The following CACNA1H variants were observed in gnomAD, a reference collection of about 807,000 sequenced individuals.
The protein encoded by CACNA1H is voltage-dependent T-type calcium channel subunit alpha-1H.
Under a neutral mutation model 192.5 loss-of-function variants are expected in CACNA1H, and 149 were observed. The ratio of observed to expected loss-of-function variants is 0.77; its 90% CI spans 0.68 to 0.89. The LOEUF (loss-of-function observed/expected upper bound fraction) is 0.89. CACNA1H is among the 40% of genes least tolerant of loss of function. The pLI is 0.00. For missense variants in CACNA1H, 4,257 were observed against 3,423.5 expected (o/e 1.24, Z -6.08); for synonymous variants, 2,202 against 1,475.2 (o/e 1.49, Z -11.29).
At chr16:1,213,025 C>A (rs1194976797) in intron 26 of CACNA1H, among the ~76,000 whole-genome samples, 1 of 152,224 alleles carries the variant, frequency 6.6e-6, no homozygotes, top group East Asian at 1.9e-4. Context: ...CAGCTCACGC[C>A]TTCACCCGCG....
chr16:1,160,741 G>A (rs1334631359), intron 2 of CACNA1H, among the ~76,000 whole-genome samples: 5 of 152,242 alleles, frequency 3.3e-5, no homozygotes, highest in African/African-American at 9.6e-5. Flanking sequence ...TGTGCTCCAC[G>A]AGGCCTCCTT....
At chr16:1,189,632 G>A (rs1229841268) in intron 2 of CACNA1H, among the ~76,000 whole-genome samples, 1 of 151,896 alleles carries the variant, frequency 6.6e-6, no homozygotes, top group African/African-American at 2.4e-5. Context: ...GTGTTGCCCA[G>A]GCTGGTCTCA....
At chr16:1,186,172 C>T (rs1416026695) in intron 2 of CACNA1H, among the ~76,000 whole-genome samples, 1 of 151,758 alleles carries the variant, frequency 6.6e-6, no homozygotes. Context: ...GCGTAGGGGC[C>T]GGAGGCGGGG....
At position 1,218,337 on chromosome 16, in the gene CACNA1H, T is replaced by C. The variant is rs762026113; in HGVS notation, c.5573T>C (p.Val1858Ala). 8.3e-6 allele frequency: 13 copies of C among 1,560,864 alleles called. No individual in the cohort carries two copies. The highest frequency in any genetic ancestry group is 3.9e-5 in the Admixed American group (2 of 51,900). Residue 1858 changes from valine to alanine, a missense_variant, in exon 33 of 35, where the codon GTG becomes GCG. By Grantham distance (64) the Val-to-Ala change is moderately conservative. Transcript: ENST00000348261. ...GTGCTGGTGAACGTGGTGGTGGCCG[T>C]GCTCATGAAGCACCTGGAGGAGAGC... ...QFVLVNVVVA[V>A]LMKHLEESNK... is the part of the protein sequence containing the mutation.
rs904156573 is a variant in CACNA1H, at chr16:1,153,608, T to C, written c.-18-112T>C. On this transcript the variant is annotated intron_variant, in intron 1 of 34. Transcript: ENST00000348261. ...GGGCGGGGGGCGCGTTTGTCTCTAATAAGAAAAGACAAAGACATCCCGGCG... is the reference window on the plus strand; with the variant it reads ...GGGCGGGGGGCGCGTTTGTCTCTAACAAGAAAAGACAAAGACATCCCGGCG... 3 of 590,772 alleles carry C rather than the reference T, an allele frequency of 5.1e-6. No homozygotes were observed. The African/African-American group carries it at 6.0e-5, about 12-fold the overall frequency. 36.6% of individuals were successfully genotyped at this position (590,772 alleles called of 1,614,324 possible). A position where few individuals can be genotyped will look rare whatever the true frequency, so the allele number is the denominator to read the frequency against.
intron 2 of CACNA1H, among the ~76,000 whole-genome samples, chr16:1,187,492 G>T (rs1250606476): frequency 2.0e-5 from 3 of 152,262 alleles, no homozygotes; most frequent in Admixed American, 2.0e-4. Flanking sequence ...CCTGGCTCAG[G>T]CCGCTTGTGC....
In CACNA1H at chr16:1,201,948, C is replaced by T. The variant is rs1284409915; in HGVS notation, c.1498C>T (p.Pro500Ser). The T allele has an allele frequency of 1.3e-6, 2 of 1,547,182 alleles. No individual in the cohort carries two copies. Among genetic ancestry groups the T allele is most frequent in the South Asian group, 1.2e-5 (1 of 83,984 alleles). ...VDPSAVQGQG[P>S]GHRQRRAGRH... Reference sequence around the variant, plus strand: ...CCCCAGTGCTGTGCAAGGCCAGGGTCCCGGGCACCGCCAGCGCCGGGCAGG... The same window carrying T: ...CCCCAGTGCTGTGCAAGGCCAGGGTTCCGGGCACCGCCAGCGCCGGGCAGG... Residue 500 changes from proline to serine, a missense_variant, in exon 9 of 35, where the codon CCC becomes TCC. Pro to Ser is a moderately conservative substitution (Grantham distance 74). Coordinates refer to ENST00000348261, the MANE Select transcript of CACNA1H (RefSeq NM_021098.3).
At chr16:1,188,541 TC>T in intron 2 of CACNA1H, among the ~76,000 whole-genome samples, 1 of 151,918 alleles carries the variant, frequency 6.6e-6, no homozygotes, top group East Asian at 1.9e-4. Context: ...TCGCAGACAC[TC>T]CCCCTCACCC....
chr16:1,164,130 C>T (rs565353244), intron 2 of CACNA1H, among the ~76,000 whole-genome samples: 82 of 152,302 alleles, frequency 5.4e-4, no homozygotes, highest in African/African-American at 1.8e-3. Flanking sequence ...GAAGCAAGGG[C>T]CCTGGGCCTG....
chr16:1,168,797 C>T (rs1002634914), intron 2 of CACNA1H, among the ~76,000 whole-genome samples: 1 of 152,100 alleles, frequency 6.6e-6, no homozygotes, highest in Admixed American at 6.5e-5. Flanking sequence ...CCAGGCCTCT[C>T]CTGGAGCCTG....
intron 2 of CACNA1H, among the ~76,000 whole-genome samples, chr16:1,193,798 C>G (rs551108047): frequency 7.7e-4 from 117 of 152,170 alleles, no homozygotes; most frequent in African/African-American, 2.6e-3. Context: ...AGGGAGGGTT[C>G]CAGGATGAGC....
At chr16:1,174,291 C>G (rs961256784) in intron 2 of CACNA1H, among the ~76,000 whole-genome samples, 1 of 152,210 alleles carries the variant, frequency 6.6e-6, no homozygotes, top group Non-Finnish European at 1.5e-5. Context: ...CTGCCTTTCT[C>G]TCATTTCTCC....
Position 1,200,704 on chromosome 16 carries a change from C to CT in CACNA1H, c.1120-11dup. On this transcript the variant is annotated splice_polypyrimidine_tract_variant and intron_variant, in intron 7 of 34. Coordinates refer to ENST00000348261, the MANE Select transcript of CACNA1H (RefSeq NM_021098.3). Reference sequence around the variant, plus strand: ...GGTCGTGCGGGCCCAAGTCAAGCCACTGCCCCCCCAGGTGATCACGCTGGA... The same window carrying CT: ...GGTCGTGCGGGCCCAAGTCAAGCCACTTGCCCCCCCAGGTGATCACGCTGGA... The CT allele has an allele frequency of 6.4e-7, 1 of 1,566,000 alleles. No individual in the cohort carries two copies.
intron 18 of CACNA1H, 89 bp downstream of exon 18, chr16:1,210,224 G>C: frequency 7.8e-7 from 1 of 1,288,908 alleles, no homozygotes; most frequent in Non-Finnish European, 1.1e-6. Flanking sequence ...GCTAGCACAT[G>C]GTGGATATTT....
Position 1,221,544 on chromosome 16 carries a change from G to A in CACNA1H, c.*550G>A, listed in dbSNP as rs2141417231. The A allele has an allele frequency of 6.0e-6, 3 of 502,448 alleles. No individual in the cohort carries two copies. Among genetic ancestry groups the A allele is most frequent in the Non-Finnish European group, 1.1e-5 (3 of 285,060 alleles). The allele number at this position is 502,448 out of a possible 1,614,324, so 31.1% of individuals were successfully genotyped here. A position where few individuals can be genotyped will look rare whatever the true frequency, so the allele number is the denominator to read the frequency against. ...AGCGTCCTGTGACTCTGGGAGAGGT[G>A]ACACCTCACTAAGGGGCCGACCCCA... On this transcript the variant is annotated 3_prime_UTR_variant, in exon 35 of 35. Coordinates refer to ENST00000348261, the MANE Select transcript of CACNA1H (RefSeq NM_021098.3).
At chr16:1,173,424 C>T (rs931709415) in intron 2 of CACNA1H, among the ~76,000 whole-genome samples, 3 of 152,226 alleles carry the variant, frequency 2.0e-5, no homozygotes, top group Non-Finnish European at 2.9e-5. Context: ...CTGGTGCGGA[C>T]GGACGAAGCC....
intron 30 of CACNA1H, among the ~76,000 whole-genome samples, chr16:1,216,147 C>T (rs1295827211): frequency 1.3e-5 from 2 of 152,176 alleles, no homozygotes; most frequent in Non-Finnish European, 2.9e-5. Flanking sequence ...CACCCCCAAC[C>T]CCCACGGCTG....
At chr16:1,158,848 G>GC (rs1328297602) in intron 2 of CACNA1H, among the ~76,000 whole-genome samples, 1 of 151,604 alleles carries the variant, frequency 6.6e-6, no homozygotes, top group African/African-American at 2.4e-5. Flanking sequence ...GCCCCACAGG[G>GC]CCCCGCTCAG....
chr16:1,212,968 C>T (rs1286939396), intron 26 of CACNA1H, among the ~76,000 whole-genome samples: 4 of 152,258 alleles, frequency 2.6e-5, no homozygotes, highest in Admixed American at 6.5e-5. Context: ...CAGCAGTCCC[C>T]ACCCGTGTGT....
Sources: allele counts gnomAD v4.1 joint callset (sites outside exome capture counted in the v4.1 genomes callset), GRCh38; gene constraint gnomAD v4.1.1; transcripts MANE v1.5; gene names NCBI Gene and HGNC (gene_info 2026-07-23, HGNC 2026-07-21).